Variants in PTPRD observed in about 807,000 individuals in gnomAD.
The protein encoded by PTPRD is protein tyrosine phosphatase receptor type D, also known as receptor-type tyrosine-protein phosphatase delta.
Under a neutral mutation model 214.5 loss-of-function variants are expected in PTPRD, and 34 were observed. That is an observed-to-expected ratio of 0.16 (90% confidence interval 0.12 to 0.21). The LOEUF (loss-of-function observed/expected upper bound fraction) is 0.21. Ranked by LOEUF, PTPRD falls within the 10% of genes least tolerant of loss-of-function variation. The probability of loss-of-function intolerance (pLI) is 1.00; values close to 1 mark genes in which losing one functional copy is unlikely to be tolerated. For synonymous variants in PTPRD, 1,128 were observed against 845.7 expected (o/e 1.33, Z -5.79); for missense variants, 2,545 against 2,398.7 (o/e 1.06, Z -1.27).
chr9:8,561,800 G>T (rs1357317168), intron 14 of PTPRD, among the ~76,000 whole-genome samples: 1 of 151,460 alleles, frequency 6.6e-6, no homozygotes, highest in African/African-American at 2.4e-5. Context: ...ATTGTAAAGG[G>T]TAAGGGTAAC....
chr9:8,710,126 A>C (rs1268313341), intron 12 of PTPRD, among the ~76,000 whole-genome samples: 1 of 152,176 alleles, frequency 6.6e-6, no homozygotes, highest in Non-Finnish European at 1.5e-5. Context: ...GTGCCCAATA[A>C]ATATTAGCTC....
At chr9:10,344,706 T>C (rs1031260919) in intron 2 of PTPRD, among the ~76,000 whole-genome samples, 1 of 152,172 alleles carries the variant, frequency 6.6e-6, no homozygotes, top group African/African-American at 2.4e-5. Flanking sequence ...TTTTATTTCA[T>C]TGAGCAGTGG....
chr9:8,713,483 C>T (rs946040352), intron 12 of PTPRD: 2 of 1,129,260 alleles, frequency 1.8e-6, no homozygotes, highest in Non-Finnish European at 2.7e-6. Flanking sequence ...AAGAAGTCTT[C>T]AGGGGAGACT....
intron 35 of PTPRD, among the ~76,000 whole-genome samples, chr9:8,433,194 G>A (rs1234466889): frequency 6.6e-6 from 1 of 152,160 alleles, no homozygotes; most frequent in African/African-American, 2.4e-5. Flanking sequence ...CTAGGGATGT[G>A]GTAGCTGTCG....
chr9:8,962,658 T>A (rs2099165252), intron 11 of PTPRD: 1 of 152,104 alleles, frequency 6.6e-6, no homozygotes, highest in Admixed American at 6.6e-5. Flanking sequence ...GATATCTGAA[T>A]GTGGGGTACT....
chr9:8,603,035 C>T (rs2094962635), intron 14 of PTPRD, among the ~76,000 whole-genome samples: 1 of 152,126 alleles, frequency 6.6e-6, no homozygotes, highest in African/African-American at 2.4e-5. Flanking sequence ...CTAAACCTGT[C>T]TTAATCAATT....
chr9:10,000,351 C>T (rs1197177718), intron 4 of PTPRD, among the ~76,000 whole-genome samples: 1 of 152,100 alleles, frequency 6.6e-6, no homozygotes, highest in Non-Finnish European at 1.5e-5. Flanking sequence ...TTTTAACCTT[C>T]TTGTAAAATT....
intron 11 of PTPRD, among the ~76,000 whole-genome samples, chr9:8,833,713 TATACAC>T (rs1409627984): frequency 1.6e-5 from 2 of 123,626 alleles, no homozygotes; most frequent in African/African-American, 3.0e-5. Flanking sequence ...TATATATATA[TATACAC>T]ACACACACAC....
chr9:9,269,358 T>C (rs1488453100), intron 9 of PTPRD, among the ~76,000 whole-genome samples: 5 of 151,140 alleles, frequency 3.3e-5, no homozygotes, highest in Non-Finnish European at 7.4e-5. Context: ...AAAAGATAAG[T>C]GCTGGTGAGA....
In PTPRD at chr9:10,512,854, T is replaced by A. The variant is rs560883075; in HGVS notation, c.-600+99544A>T. 2.0e-5 allele frequency among the ~76,000 whole-genome samples: 3 copies of A among 152,078 alleles called. No individual in the cohort carries two copies. The South Asian group carries it at 6.2e-4, about 32-fold the overall frequency. ...TAGAGAAGACAAATATTTGATCTTT[T>A]TATTGCACTGGAGTTGAAACTGTCC... On this transcript the variant is annotated intron_variant, in intron 2 of 45. Coordinates refer to ENST00000381196, the MANE Select transcript of PTPRD (RefSeq NM_002839.4).
chr9:10,448,508 G>A (rs537606375), intron 2 of PTPRD, among the ~76,000 whole-genome samples: 1 of 152,102 alleles, frequency 6.6e-6, no homozygotes, highest in South Asian at 2.1e-4. Context: ...AAAACATAGA[G>A]ATGAAATATA....
chr9:9,712,764 A>G (rs1198087386), intron 7 of PTPRD, among the ~76,000 whole-genome samples: 1 of 152,210 alleles, frequency 6.6e-6, no homozygotes, highest in Non-Finnish European at 1.5e-5. Context: ...CTTAAAACTC[A>G]ATAATATGCC....
intron 3 of PTPRD, among the ~76,000 whole-genome samples, chr9:10,087,137 G>GTTT (rs5896366): frequency 2.0e-5 from 3 of 146,584 alleles, no homozygotes; most frequent in Non-Finnish European, 1.5e-5. Context: ...ATGTTTTAGA[G>GTTT]TTTTTTTTTT....
At chr9:10,017,167 G>T (rs1023215501) in intron 4 of PTPRD, among the ~76,000 whole-genome samples, 4 of 152,152 alleles carry the variant, frequency 2.6e-5, no homozygotes, top group African/African-American at 9.7e-5. Flanking sequence ...AGTTTTGACA[G>T]TCTGGTGGAC....
At chr9:9,718,417 T>G (rs954750102) in intron 7 of PTPRD, among the ~76,000 whole-genome samples, 3 of 152,110 alleles carry the variant, frequency 2.0e-5, no homozygotes, top group African/African-American at 7.2e-5. Flanking sequence ...GGCTGTGTGC[T>G]CCATGGAACT....
chr9:9,363,243 AAC>A (rs2056833534), intron 9 of PTPRD, among the ~76,000 whole-genome samples: 1 of 150,798 alleles, frequency 6.6e-6, no homozygotes. Context: ...ATTACTGATC[AAC>A]ACCCCAAAAG....
chr9:10,133,231 AGAG>A (rs2098914838), intron 3 of PTPRD, among the ~76,000 whole-genome samples: 1 of 152,292 alleles, frequency 6.6e-6, no homozygotes, highest in East Asian at 1.9e-4. Flanking sequence ...CAGGTGATAC[AGAG>A]GAGAACTGAA....
intron 10 of PTPRD, among the ~76,000 whole-genome samples, chr9:9,095,992 G>C (rs117912100): frequency 0.013 from 2,036 of 152,224 alleles, 37 homozygotes; most frequent in East Asian, 0.064. Flanking sequence ...AGTGAAATAA[G>C]CCAGACTCAG....
At chr9:10,129,447 C>T (rs1354066124) in intron 3 of PTPRD, among the ~76,000 whole-genome samples, 1 of 151,580 alleles carries the variant, frequency 6.6e-6, no homozygotes, top group African/African-American at 2.4e-5. Flanking sequence ...ATTGACCACT[C>T]TCTGGATCTC....
Sources: gnomAD v4.1 joint callset for allele counts (sites outside exome capture counted in the v4.1 genomes callset) on GRCh38, gnomAD v4.1.1 for gene constraint, MANE v1.5 for transcripts, NCBI Gene and HGNC (gene_info 2026-07-23, HGNC 2026-07-21) for gene names.